PLCB1: variants seen among roughly 807,000 people sequenced by gnomAD.
The protein encoded by PLCB1 is phospholipase C beta 1.
PLCB1 carries 46 observed loss-of-function variants against 161.8 expected under a neutral mutation model. That is an observed-to-expected ratio of 0.28 (90% CI 0.22 to 0.36). PLCB1 has a LOEUF of 0.36. Among genes scored for constraint, PLCB1 ranks in the 10% least tolerant of loss-of-function variants. The probability of loss-of-function intolerance (pLI) is 1.00; values close to 1 mark genes in which losing one functional copy is unlikely to be tolerated. For synonymous variants in PLCB1, 517 were observed against 503.7 expected (o/e 1.03, Z -0.35); for missense variants, 1,016 against 1,472.5 (o/e 0.69, Z 5.07).
chr20:8,232,504 A>T (rs543295684), intron 2 of PLCB1, among the ~76,000 whole-genome samples: 29 of 152,292 alleles, frequency 1.9e-4, no homozygotes, highest in African/African-American at 7.0e-4. Flanking sequence ...GACCTAGTTT[A>T]GCTCTACCGT....
At chr20:8,813,256 C>T (rs747527903) in intron 31 of PLCB1, among the ~76,000 whole-genome samples, 11 of 152,178 alleles carry the variant, frequency 7.2e-5, no homozygotes, top group Non-Finnish European at 1.3e-4. Flanking sequence ...TCTACTCACT[C>T]GCGGAAAGCT....
intron 22 of PLCB1, among the ~76,000 whole-genome samples, chr20:8,740,808 T>C (rs2076415): frequency 0.59 from 90,155 of 151,946 alleles, 27,826 homozygotes; most frequent in East Asian, 0.68. Context: ...ATTCTTTTCA[T>C]GGGTGACATC....
In PLCB1 at chr20:8,227,907, A is replaced by G. The variant is rs551720705; in HGVS notation, c.177+77536A>G. On this transcript the variant is annotated intron_variant, in intron 2 of 31. Coordinates refer to ENST00000338037, the MANE Select transcript of PLCB1 (RefSeq NM_015192.4). ...TGACTCCCAGATTTTATCCAAAAAT[A>G]TATCTAATGATATATGAAAATGATC... Among the ~76,000 whole-genome samples the G allele has an allele frequency of 8.1e-4, 123 of 152,346 alleles. 1 individual carries two copies. The highest frequency in any genetic ancestry group is 7.4e-4 in the Non-Finnish European group (50 of 68,024).
chr20:8,606,438 T>TG lies in PLCB1; in HGVS notation c.247-21855dup, dbSNP rs766136658. Reference sequence around the variant, plus strand: ...AGTAACAGCATCTCCCTCAAAAAACTGATAAAAAAAAATCCACAAGGTGCC... The same window carrying TG: ...AGTAACAGCATCTCCCTCAAAAAACTGGATAAAAAAAAATCCACAAGGTGCC... On this transcript the variant is annotated intron_variant, in intron 3 of 31. Coordinates refer to ENST00000338037, the MANE Select transcript of PLCB1 (RefSeq NM_015192.4). 2.0e-5 allele frequency among the ~76,000 whole-genome samples: 3 copies of TG among 152,088 alleles called. No homozygotes were observed. The East Asian group carries it at 5.8e-4, about 29-fold the overall frequency.
rs192881522 is a variant in PLCB1, at chr20:8,143,078, A to G, written c.100-7216A>G. ...TTTCCCCTCAGTTGAAGCTTTCCTA[A>G]GAACATAGCAATATGCCTTTACTAG... On this transcript the variant is annotated intron_variant, in intron 1 of 31. Transcript: ENST00000338037. Among the ~76,000 whole-genome samples, 125 of 152,320 alleles carry G rather than the reference A, an allele frequency of 8.2e-4. 1 individual carries two copies. The highest frequency in any genetic ancestry group is 3.4e-3 in the Middle Eastern group (1 of 294).
At chr20:8,782,119 T>C (rs1568597627) in intron 27 of PLCB1, among the ~76,000 whole-genome samples, 1 of 152,226 alleles carries the variant, frequency 6.6e-6, no homozygotes, top group Non-Finnish European at 1.5e-5. Flanking sequence ...TCTATTTAGC[T>C]ATGGAAATTT....
chr20:8,539,620 CTTT>C (rs1287261524), intron 3 of PLCB1, among the ~76,000 whole-genome samples: 3 of 54,414 alleles, frequency 5.5e-5, no homozygotes, highest in East Asian at 8.7e-4. Flanking sequence ...TCTTTATTTT[CTTT>C]CTTTCTTTCT....
intron 2 of PLCB1, among the ~76,000 whole-genome samples, chr20:8,279,156 T>C (rs1982750030): frequency 6.6e-6 from 1 of 152,092 alleles, no homozygotes; most frequent in South Asian, 2.1e-4. Context: ...TACCTAGATA[T>C]ATTTGCAAAA....
intron 2 of PLCB1, among the ~76,000 whole-genome samples, chr20:8,175,236 C>T (rs2051770454): frequency 6.6e-6 from 1 of 151,420 alleles, no homozygotes; most frequent in Non-Finnish European, 1.5e-5. Flanking sequence ...AGAACAAAAA[C>T]CAGAGTAAAT....
intron 4 of PLCB1, among the ~76,000 whole-genome samples, chr20:8,636,102 G>A (rs1428219938): frequency 6.6e-6 from 1 of 152,162 alleles, no homozygotes; most frequent in African/African-American, 2.4e-5. Context: ...AAAAGGTGGT[G>A]CCATAAATTG....
At chr20:8,499,561 T>C (rs1300251010) in intron 3 of PLCB1, among the ~76,000 whole-genome samples, 1 of 152,228 alleles carries the variant, frequency 6.6e-6, no homozygotes, top group Non-Finnish European at 1.5e-5. Context: ...CTATAAAATT[T>C]AGAACATTTT....
intron 3 of PLCB1, among the ~76,000 whole-genome samples, chr20:8,607,626 C>T (rs1428070301): frequency 6.6e-6 from 1 of 152,138 alleles, no homozygotes; most frequent in Non-Finnish European, 1.5e-5. Flanking sequence ...GTTCCTACCC[C>T]AATCCACTCA....
intron 2 of PLCB1, among the ~76,000 whole-genome samples, chr20:8,288,844 A>G (rs1307108438): frequency 6.6e-6 from 1 of 152,156 alleles, no homozygotes; most frequent in African/African-American, 2.4e-5. Flanking sequence ...TAGTCATAGC[A>G]TTTATCACTA....
chr20:8,706,043 A>G (rs1267241914), intron 11 of PLCB1, among the ~76,000 whole-genome samples: 1 of 152,228 alleles, frequency 6.6e-6, no homozygotes, highest in Admixed American at 6.5e-5. Flanking sequence ...CAATAAGAAG[A>G]AACCCTAGGA....
chr20:8,244,159 A>G (rs1240363248), intron 2 of PLCB1, among the ~76,000 whole-genome samples: 1 of 151,968 alleles, frequency 6.6e-6, no homozygotes, highest in Non-Finnish European at 1.5e-5. Flanking sequence ...CATTGCTGGT[A>G]GCAGTGTAAA....
intron 2 of PLCB1, among the ~76,000 whole-genome samples, chr20:8,350,333 A>T (rs1986143074): frequency 6.6e-6 from 1 of 152,180 alleles, no homozygotes; most frequent in African/African-American, 2.4e-5. Flanking sequence ...ATAAGACAGA[A>T]CATGTGGTGT....
intron 20 of PLCB1, among the ~76,000 whole-genome samples, chr20:8,738,368 G>A (rs1980691803): frequency 6.6e-6 from 1 of 152,034 alleles, no homozygotes; most frequent in Non-Finnish European, 1.5e-5. Context: ...ACTTTTTAAT[G>A]ATTGCCATTC....
chr20:8,705,451 G>A (rs1270394733), intron 11 of PLCB1, among the ~76,000 whole-genome samples: 1 of 152,176 alleles, frequency 6.6e-6, no homozygotes, highest in Non-Finnish European at 1.5e-5. Context: ...CTTACCTCAA[G>A]AAGTTTACAC....
chr20:8,202,735 G>A (rs1384541289), intron 2 of PLCB1, among the ~76,000 whole-genome samples: 1 of 152,148 alleles, frequency 6.6e-6, no homozygotes, highest in Non-Finnish European at 1.5e-5. Context: ...ATGGTGGGAG[G>A]TAGATGGTTT....
Sources: gnomAD v4.1 joint callset for allele counts (sites outside exome capture counted in the v4.1 genomes callset) on GRCh38, gnomAD v4.1.1 for gene constraint, MANE v1.5 for transcripts, NCBI Gene and HGNC (gene_info 2026-07-23, HGNC 2026-07-21) for gene names.